The following CCDC146 variants were observed in gnomAD, a reference collection of about 807,000 sequenced individuals.
CCDC146 encodes the protein coiled-coil domain containing 146.
A neutral mutation model predicts 119.3 loss-of-function variants in CCDC146; 92 were observed. The ratio of observed to expected loss-of-function variants is 0.77; its 90% CI spans 0.65 to 0.92. The LOEUF (loss-of-function observed/expected upper bound fraction) is 0.92. CCDC146 is among the 40% of genes least tolerant of loss of function. The probability of loss-of-function intolerance (pLI) is 0.00; values close to 1 mark genes in which losing one functional copy is unlikely to be tolerated. For missense variants in CCDC146, 1,000 were observed against 1,103.0 expected (o/e 0.91, Z 1.32); for synonymous variants, 372 against 371.8 (o/e 1.00, Z -0.01).
At chr7:77,191,813 G>C (rs1308281776) in intron 2 of CCDC146, among the ~76,000 whole-genome samples, 1 of 152,136 alleles carries the variant, frequency 6.6e-6, no homozygotes, top group East Asian at 1.9e-4. Context: ...GGGAGGCTGA[G>C]GCAGGAGAAT....
chr7:77,222,688 T>C (rs909217131), intron 2 of CCDC146, among the ~76,000 whole-genome samples: 1 of 152,216 alleles, frequency 6.6e-6, no homozygotes, highest in Non-Finnish European at 1.5e-5. Flanking sequence ...AGGTAACAAA[T>C]GACCAGCTAT....
intron 2 of CCDC146, among the ~76,000 whole-genome samples, chr7:77,168,220 G>A (rs1791367213): frequency 6.6e-6 from 1 of 152,056 alleles, no homozygotes; most frequent in African/African-American, 2.4e-5. Flanking sequence ...TATAGTTACT[G>A]CAGTGGAGCA....
chr7:77,221,095 A>T (rs924442894), intron 2 of CCDC146, among the ~76,000 whole-genome samples: 2 of 152,134 alleles, frequency 1.3e-5, no homozygotes, highest in Non-Finnish European at 2.9e-5. Flanking sequence ...TAAACCAACC[A>T]GATCTCATGA....
At chr7:77,274,157 C>T (rs1037764219) in intron 10 of CCDC146, among the ~76,000 whole-genome samples, 4 of 152,184 alleles carry the variant, frequency 2.6e-5, no homozygotes, top group Non-Finnish European at 5.9e-5. Context: ...CAAAGAGGTT[C>T]TATCATGTTA....
intron 2 of CCDC146, among the ~76,000 whole-genome samples, chr7:77,188,211 A>C (rs575947081): frequency 3.3e-5 from 5 of 152,286 alleles, no homozygotes; most frequent in African/African-American, 1.2e-4. Context: ...CTTTAAATTT[A>C]ATTCGGGTGA....
chr7:77,246,410 A>G (rs1792951309), intron 4 of CCDC146: 1 of 152,216 alleles, frequency 6.6e-6, no homozygotes, highest in Non-Finnish European at 1.5e-5. Context: ...CTTAAAACCA[A>G]AAGCCTTTTG....
At chr7:77,244,148 T>C (rs774816054) in intron 4 of CCDC146, among the ~76,000 whole-genome samples, 6 of 152,142 alleles carry the variant, frequency 3.9e-5, no homozygotes, top group Non-Finnish European at 8.8e-5. Context: ...TAAAAAGAAA[T>C]TTAATTAAAA....
chr7:77,135,814 G>C (rs3972419), intron 1 of CCDC146, among the ~76,000 whole-genome samples: 2 of 152,168 alleles, frequency 1.3e-5, no homozygotes, highest in African/African-American at 4.8e-5. Context: ...AAGTAAATGG[G>C]TGGAGAAAAA....
chr7:77,190,632 A>T (rs1471288237), intron 2 of CCDC146, among the ~76,000 whole-genome samples: 1 of 152,184 alleles, frequency 6.6e-6, no homozygotes, highest in Non-Finnish European at 1.5e-5. Context: ...ATGTTTGGGA[A>T]TTCGGGACAC....
intron 9 of CCDC146, among the ~76,000 whole-genome samples, chr7:77,270,735 C>A (rs3114325): frequency 0.66 from 100,595 of 152,108 alleles, 34,185 homozygotes; most frequent in East Asian, 0.87. Flanking sequence ...TAGGCACAAC[C>A]GGTTATTTCA....
At chr7:77,288,491 G>A (rs1456754271) in intron 17 of CCDC146, among the ~76,000 whole-genome samples, 2 of 152,164 alleles carry the variant, frequency 1.3e-5, no homozygotes, top group African/African-American at 4.8e-5. Context: ...TGTCCGTGCA[G>A]GCACGGGACT....
At chr7:77,201,447 G>T (rs907944398) in intron 2 of CCDC146, among the ~76,000 whole-genome samples, 2 of 151,312 alleles carry the variant, frequency 1.3e-5, no homozygotes, top group African/African-American at 4.9e-5. Context: ...CCAGCTACTC[G>T]GGAGGCTGAG....
chr7:77,271,494 TAC>T lies in CCDC146; in HGVS notation c.1174-2191_1174-2190del, dbSNP rs1554360497. Among the ~76,000 whole-genome samples the T allele has an allele frequency of 2.2e-4, 30 of 136,682 alleles. 1 individual carries two copies. Among genetic ancestry groups the T allele is most frequent in the Middle Eastern group, 3.7e-3 (1 of 272 alleles). The allele number at this position is 136,682 out of a possible 152,430, so 89.7% of individuals were successfully genotyped here. ...CCTTTTTATTTTATATATATATATA[TAC>T]ACACACACTAATAGGAGATATATAT... On this transcript the variant is annotated intron_variant, in intron 9 of 18. Transcript: ENST00000285871.
intron 1 of CCDC146, among the ~76,000 whole-genome samples, chr7:77,159,541 A>G (rs1319462918): frequency 1.3e-5 from 2 of 152,148 alleles, no homozygotes; most frequent in Admixed American, 1.3e-4. Context: ...ATGTCCATGG[A>G]AATTTATGTT....
chr7:77,228,551 G>A (rs928581178), intron 2 of CCDC146, among the ~76,000 whole-genome samples: 1 of 152,124 alleles, frequency 6.6e-6, no homozygotes, highest in African/African-American at 2.4e-5. Flanking sequence ...TCTTCATCCA[G>A]TCTATCACTG....
At chr7:77,244,751 A>G (rs1258322932) in intron 4 of CCDC146, among the ~76,000 whole-genome samples, 1 of 152,208 alleles carries the variant, frequency 6.6e-6, no homozygotes, top group African/African-American at 2.4e-5. Context: ...TAAGCAGCAC[A>G]TGACTGCACA....
chr7:77,280,022 C>T (rs547151122), intron 13 of CCDC146, among the ~76,000 whole-genome samples: 39 of 152,178 alleles, frequency 2.6e-4, no homozygotes, highest in Non-Finnish European at 5.0e-4. Context: ...TTTATAGAGG[C>T]CATGCATTCA....
At chr7:77,173,174 C>T (rs1791449432) in intron 2 of CCDC146, among the ~76,000 whole-genome samples, 1 of 151,968 alleles carries the variant, frequency 6.6e-6, no homozygotes, top group African/African-American at 2.4e-5. Flanking sequence ...ATGGAACAAA[C>T]CTGCACATTC....
intron 3 of CCDC146, among the ~76,000 whole-genome samples, chr7:77,240,455 C>G (rs1158928496): frequency 6.6e-6 from 1 of 152,194 alleles, no homozygotes; most frequent in Non-Finnish European, 1.5e-5. Flanking sequence ...TCCATGGATA[C>G]TCCAGTCCCT....
Sources: allele counts gnomAD v4.1 joint callset (sites outside exome capture counted in the v4.1 genomes callset), GRCh38; gene constraint gnomAD v4.1.1; transcripts MANE v1.5; gene names NCBI Gene and HGNC (gene_info 2026-07-23, HGNC 2026-07-21).